Variants in ZCCHC7 observed in about 807,000 individuals in gnomAD.
ZCCHC7 encodes zinc finger CCHC-type containing 7, also known as zinc finger CCHC domain-containing protein 7.
ZCCHC7 carries 35 observed loss-of-function variants against 52.0 expected under a neutral mutation model. The ratio of observed to expected loss-of-function variants is 0.67; its 90% confidence interval spans 0.51 to 0.89. ZCCHC7 has a LOEUF of 0.89. Ranked by LOEUF, ZCCHC7 falls within the 40% of genes least tolerant of loss-of-function variation. The pLI, the probability that ZCCHC7 is intolerant of heterozygous loss-of-function variation, is 0.00. For synonymous variants in ZCCHC7, 217 were observed against 221.5 expected, an observed-to-expected ratio of 0.98 and a Z score of 0.18; for missense variants, 574 against 649.1, an observed-to-expected ratio of 0.88 and a Z score of 1.26.
intron 2 of ZCCHC7, among the ~76,000 whole-genome samples, chr9:37,281,649 C>T (rs936195151): frequency 1.3e-5 from 2 of 152,198 alleles, no homozygotes; most frequent in African/African-American, 4.8e-5. Context: ...GATGCACTTA[C>T]ACTGTTTGGT....
At chr9:37,349,101 G>A (rs967647756) in intron 6 of ZCCHC7, among the ~76,000 whole-genome samples, 7 of 152,136 alleles carry the variant, frequency 4.6e-5, no homozygotes, top group African/African-American at 1.7e-4. Flanking sequence ...GTTGGATACC[G>A]AACACAGTAC....
chr9:37,162,103 C>T (rs1238478253), intron 2 of ZCCHC7, among the ~76,000 whole-genome samples: 3 of 152,080 alleles, frequency 2.0e-5, no homozygotes, highest in Non-Finnish European at 4.4e-5. Context: ...TATGTGTAAA[C>T]GATCATATAG....
chr9:37,310,931 TG>T (rs1192012967), intron 5 of ZCCHC7, among the ~76,000 whole-genome samples: 10 of 144,420 alleles, frequency 6.9e-5, no homozygotes, highest in Non-Finnish European at 1.5e-4. Flanking sequence ...CACTCCAGCC[TG>T]GGTGACAGTG....
chr9:37,353,541 G>A (rs981171587), intron 7 of ZCCHC7, among the ~76,000 whole-genome samples: 1 of 152,170 alleles, frequency 6.6e-6, no homozygotes, highest in Non-Finnish European at 1.5e-5. Flanking sequence ...AAGGAGATGA[G>A]TGCAAAATGG....
chr9:37,176,976 C>G (rs899960790), intron 2 of ZCCHC7, among the ~76,000 whole-genome samples: 1 of 152,120 alleles, frequency 6.6e-6, no homozygotes, highest in Non-Finnish European at 1.5e-5. Context: ...CTCAGTCCTA[C>G]CCCTGGAAAT....
chr9:37,120,643 A>AC lies in ZCCHC7; in HGVS notation c.-22+25dup. 2.5e-6 allele frequency: 1 copy of AC among 393,900 alleles called. No homozygotes were observed. The highest frequency in any genetic ancestry group is 4.5e-6 in the Non-Finnish European group (1 of 222,972). 24.4% of individuals were successfully genotyped at this position (393,900 alleles called of 1,614,324 possible). On this transcript the variant is annotated intron_variant, in intron 1 of 8. Coordinates refer to ENST00000336755, the MANE Select transcript of ZCCHC7 (RefSeq NM_032226.3). ...GCGGCAGTGAGTATGTGTGTGACGGACCCCCGCCGCCCGCGGCTCGGGACC... is the reference window on the plus strand; with the variant it reads ...GCGGCAGTGAGTATGTGTGTGACGGACCCCCCGCCGCCCGCGGCTCGGGACC...
intron 2 of ZCCHC7, among the ~76,000 whole-genome samples, chr9:37,296,881 T>TTGTGTGTGTGTG (rs56378965): frequency 0.022 from 2,749 of 124,128 alleles, 64 homozygotes; most frequent in South Asian, 0.034. Flanking sequence ...CCTGGCTAGT[T>TTGTGTGTGTGTG]TGTGTGTGTG....
chr9:37,267,638 C>T (rs1419607914), intron 2 of ZCCHC7, among the ~76,000 whole-genome samples: 3 of 146,348 alleles, frequency 2.0e-5, no homozygotes, highest in Non-Finnish European at 4.5e-5. Flanking sequence ...GGCATGATCT[C>T]GGCTCACTGC....
chr9:37,291,979 C>T (rs1828560638), intron 2 of ZCCHC7, among the ~76,000 whole-genome samples: 1 of 152,134 alleles, frequency 6.6e-6, no homozygotes, highest in Non-Finnish European at 1.5e-5. Flanking sequence ...AGGCGTGAGC[C>T]ACTGCGCCTG....
chr9:37,151,519 T>C (rs1184670694), intron 2 of ZCCHC7, among the ~76,000 whole-genome samples: 1 of 152,092 alleles, frequency 6.6e-6, no homozygotes, highest in Non-Finnish European at 1.5e-5. Flanking sequence ...CAAATTCTTT[T>C]TCTGGCTGGG....
chr9:37,338,389 C>G (rs536367287), intron 6 of ZCCHC7, among the ~76,000 whole-genome samples: 1 of 152,212 alleles, frequency 6.6e-6, no homozygotes, highest in African/African-American at 2.4e-5. Flanking sequence ...TTTCGATTTA[C>G]TGAAAAAGAT....
At chr9:37,129,496 G>A (rs1842684314) in intron 2 of ZCCHC7, among the ~76,000 whole-genome samples, 1 of 152,146 alleles carries the variant, frequency 6.6e-6, no homozygotes, top group Non-Finnish European at 1.5e-5. Context: ...CCATTTAAGT[G>A]TGTTGTTACT....
rs546559759 is a variant in ZCCHC7, at chr9:37,171,237, G to A, written c.610+44295G>A. ...TTTGCTCTTTCATTGGCCCTTGTAT[G>A]TGTAGTTGTTAGAAGTGGGGTGAAG... is the stretch of plus-strand genomic sequence containing the variant. On this transcript the variant is annotated intron_variant, in intron 2 of 8. Coordinates refer to ENST00000336755, the MANE Select transcript of ZCCHC7 (RefSeq NM_032226.3). 1.0e-3 allele frequency among the ~76,000 whole-genome samples: 159 copies of A among 152,274 alleles called. 1 individual carries two copies. The highest frequency in any genetic ancestry group is 9.2e-3 in the Admixed American group (141 of 15,292).
At position 37,126,375 on chromosome 9, in the gene ZCCHC7, G is replaced by A; in HGVS notation, c.43G>A (p.Asp15Asn). The change falls in exon 2 of 9, where the codon GAT becomes AAT. Residue 15 changes from aspartate (D) to asparagine (N), a missense_variant. This residue lies in a region of ZCCHC7 where 403 missense variants were observed against 461.2 expected (regional missense o/e 0.87). Coordinates refer to ENST00000336755, the MANE Select transcript of ZCCHC7 (RefSeq NM_032226.3). The part of the protein sequence containing the change: ...GYETIEAYED[D>N]LYRDESSSEL... ...TGAGACTATAGAAGCATACGAAGAT[G>A]ATCTTTATCGAGATGAGTCATCTAG... 6.2e-7 allele frequency: 1 copy of A among 1,614,012 alleles called. No individual in the cohort carries two copies. The highest frequency in any genetic ancestry group is 8.5e-7 in the Non-Finnish European group (1 of 1,179,992).
At chr9:37,177,165 C>A (rs1822083090) in intron 2 of ZCCHC7, among the ~76,000 whole-genome samples, 1 of 152,172 alleles carries the variant, frequency 6.6e-6, no homozygotes, top group Non-Finnish European at 1.5e-5. Flanking sequence ...CGCAGTGAAA[C>A]CCCGTCTCTA....
chr9:37,178,384 C>T (rs1270203753), intron 2 of ZCCHC7, among the ~76,000 whole-genome samples: 2 of 146,136 alleles, frequency 1.4e-5, no homozygotes, highest in Non-Finnish European at 3.0e-5. Context: ...CATTGCTTCC[C>T]CACTGGCCGC....
chr9:37,150,780 T>C (rs1287463001), intron 2 of ZCCHC7, among the ~76,000 whole-genome samples: 1 of 152,130 alleles, frequency 6.6e-6, no homozygotes, highest in Non-Finnish European at 1.5e-5. Flanking sequence ...GAAGTTTGTT[T>C]TATGAGTTTT....
chr9:37,177,194 G>A (rs1044373270), intron 2 of ZCCHC7, among the ~76,000 whole-genome samples: 8 of 152,170 alleles, frequency 5.3e-5, no homozygotes, highest in Non-Finnish European at 1.2e-4. Flanking sequence ...ACTTAGCTGG[G>A]TGTGGTGGCA....
rs1161623947 is a variant in ZCCHC7, at chr9:37,125,040, T to G, written c.-21-1272T>G. ...CTGATTTCTTTATTTTTAGCAGATA[T>G]GTAGTTTCACCATCTTGGCTAGGCT... On this transcript the variant is annotated intron_variant, in intron 1 of 8. Coordinates refer to ENST00000336755, the MANE Select transcript of ZCCHC7 (RefSeq NM_032226.3). 2.0e-5 allele frequency among the ~76,000 whole-genome samples: 3 copies of G among 152,214 alleles called. No homozygotes were observed. In the South Asian group the frequency reaches 6.2e-4, roughly 32 times the overall value.
Sources: gnomAD v4.1 joint callset for allele counts (sites outside exome capture counted in the v4.1 genomes callset) on GRCh38, gnomAD v4.1.1 for gene constraint, gnomAD v4.1.1 regional missense constraint, MANE v1.5 for transcripts, NCBI Gene and HGNC (gene_info 2026-07-23, HGNC 2026-07-21) for gene names.